Variants in FGF14 observed in about 807,000 individuals in gnomAD.
The protein encoded by FGF14 is fibroblast growth factor 14.
FGF14 carries 5 observed loss-of-function variants against 25.5 expected under a neutral mutation model. The ratio of observed to expected loss-of-function variants is 0.20; its 90% CI spans 0.10 to 0.41. The LOEUF (loss-of-function observed/expected upper bound fraction) is 0.41, where lower values mean the gene tolerates loss of function less well. FGF14 is among the 10% of genes least tolerant of loss of function. The pLI is 1.00. For synonymous variants in FGF14, 138 were observed against 118.3 expected (o/e 1.17, Z -1.08); for missense variants, 222 against 320.1 (o/e 0.69, Z 2.34).
At chr13:101,998,919 C>T (rs2039331553) in intron 1 of FGF14, among the ~76,000 whole-genome samples, 1 of 152,184 alleles carries the variant, frequency 6.6e-6, no homozygotes, top group South Asian at 2.1e-4. Flanking sequence ...TATTAAACAC[C>T]CATTTTTTTC....
chr13:101,797,324 T>C (rs1344412685), intron 3 of FGF14, among the ~76,000 whole-genome samples: 1 of 152,136 alleles, frequency 6.6e-6, no homozygotes, highest in Non-Finnish European at 1.5e-5. Context: ...TCTTGCCCTA[T>C]GGTTCCTCAA....
chr13:101,779,715 T>G (rs768132853), intron 3 of FGF14, among the ~76,000 whole-genome samples: 35 of 152,186 alleles, frequency 2.3e-4, no homozygotes, highest in Non-Finnish European at 3.7e-4. Flanking sequence ...ACACTATCAT[T>G]ATTATCTTAA....
At chr13:102,247,965 TA>T (rs1182249100) in intron 1 of FGF14, among the ~76,000 whole-genome samples, 1 of 152,154 alleles carries the variant, frequency 6.6e-6, no homozygotes, top group Non-Finnish European at 1.5e-5. Flanking sequence ...TGGAGGCCCT[TA>T]TCCTTAGCAA....
chr13:102,312,138 G>A (rs909221224), intron 1 of FGF14, among the ~76,000 whole-genome samples: 11 of 149,032 alleles, frequency 7.4e-5, no homozygotes, highest in East Asian at 4.0e-4. Flanking sequence ...GGTTGTCTAC[G>A]ATTTATGAAA....
At chr13:101,728,108 C>T (rs2035564317) in intron 3 of FGF14, among the ~76,000 whole-genome samples, 1 of 152,052 alleles carries the variant, frequency 6.6e-6, no homozygotes, top group Non-Finnish European at 1.5e-5. Flanking sequence ...TTTCAATATT[C>T]CCCATAAAAG....
intron 1 of FGF14, among the ~76,000 whole-genome samples, chr13:101,999,804 C>T (rs1452600452): frequency 1.3e-5 from 2 of 152,062 alleles, no homozygotes; most frequent in Non-Finnish European, 2.9e-5. Flanking sequence ...GTGCCAGGCC[C>T]TTATCTTCTG....
At chr13:102,317,449 C>A (rs898576420) in intron 1 of FGF14, among the ~76,000 whole-genome samples, 2 of 152,244 alleles carry the variant, frequency 1.3e-5, no homozygotes, top group African/African-American at 2.4e-5. Flanking sequence ...CTCATTTACA[C>A]ACATTGAAGG....
At chr13:101,955,933 C>A (rs2036486564) in intron 1 of FGF14, among the ~76,000 whole-genome samples, 1 of 152,144 alleles carries the variant, frequency 6.6e-6, no homozygotes, top group South Asian at 2.1e-4. Context: ...CCTCGTGTTA[C>A]CTAGACAAAG....
At chr13:102,383,885 G>T (rs1424283390) in intron 1 of FGF14, among the ~76,000 whole-genome samples, 5 of 151,934 alleles carry the variant, frequency 3.3e-5, no homozygotes, top group African/African-American at 9.7e-5. Context: ...CTGAAATGGG[G>T]TATCACACAT....
chr13:101,724,207 C>A (rs926503076), intron 4 of FGF14, among the ~76,000 whole-genome samples: 1 of 151,906 alleles, frequency 6.6e-6, no homozygotes, highest in Non-Finnish European at 1.5e-5. Context: ...GAAGTTGTAT[C>A]GTCCAACAAT....
chr13:101,881,038 T>C (rs2045680587), intron 1 of FGF14, among the ~76,000 whole-genome samples: 1 of 152,170 alleles, frequency 6.6e-6, no homozygotes, highest in African/African-American at 2.4e-5. Flanking sequence ...ATTAAGAGAA[T>C]GACTATGGGC....
chr13:102,198,071 C>G (rs554250657), intron 1 of FGF14, among the ~76,000 whole-genome samples: 2 of 152,336 alleles, frequency 1.3e-5, no homozygotes, highest in Admixed American at 6.5e-5. Context: ...TTATCCTTCC[C>G]CTACCCGCCC....
chr13:102,123,543 T>G (rs972162131), intron 1 of FGF14, among the ~76,000 whole-genome samples: 1 of 152,034 alleles, frequency 6.6e-6, no homozygotes, highest in African/African-American at 2.4e-5. Flanking sequence ...ACTAAACAAA[T>G]TTTTTTGAAC....
intron 1 of FGF14, among the ~76,000 whole-genome samples, chr13:102,204,671 C>T (rs7337072): frequency 0.049 from 7,525 of 152,060 alleles, 247 homozygotes; most frequent in Middle Eastern, 0.071. Flanking sequence ...CTCAGCCTCC[C>T]GAGTAGCTGG....
chr13:101,914,292 T>TA (rs2033250750), intron 1 of FGF14, among the ~76,000 whole-genome samples: 1 of 151,560 alleles, frequency 6.6e-6, no homozygotes, highest in African/African-American at 2.4e-5. Context: ...TTGTTTTGCT[T>TA]AAAATTAGTG....
chr13:102,104,849 C>T (rs757509166), intron 1 of FGF14, among the ~76,000 whole-genome samples: 9 of 152,136 alleles, frequency 5.9e-5, no homozygotes, highest in African/African-American at 1.4e-4. Flanking sequence ...TCAGCAGCCA[C>T]TGGCATGAAG....
chr13:102,355,427 A>G (rs1344685344), intron 1 of FGF14, among the ~76,000 whole-genome samples: 1 of 151,916 alleles, frequency 6.6e-6, no homozygotes, highest in Non-Finnish European at 1.5e-5. Flanking sequence ...CCAGACTAAC[A>G]AGGTGTTGCT....
chr13:102,048,738 C>A (rs768925146), intron 1 of FGF14, among the ~76,000 whole-genome samples: 1 of 152,172 alleles, frequency 6.6e-6, no homozygotes, highest in Non-Finnish European at 1.5e-5. Flanking sequence ...TGACATTGAC[C>A]TTTGGAAACT....
intron 3 of FGF14, among the ~76,000 whole-genome samples, chr13:101,824,335 G>A (rs371982619): frequency 2.6e-4 from 40 of 152,172 alleles, no homozygotes; most frequent in East Asian, 5.8e-4. Context: ...GTGTGTGTGC[G>A]CGCGTGCACG....
Sources: allele counts gnomAD v4.1 joint callset (sites outside exome capture counted in the v4.1 genomes callset), GRCh38; gene constraint gnomAD v4.1.1; transcripts MANE v1.5; gene names NCBI Gene and HGNC (gene_info 2026-07-23, HGNC 2026-07-21).